DMXL2: variants seen among roughly 807,000 people sequenced by gnomAD.
The protein encoded by DMXL2 is dmX-like protein 2.
Under a neutral mutation model 331.1 loss-of-function variants are expected in DMXL2, and 103 were observed. That is an observed-to-expected ratio of 0.31 (90% CI 0.27 to 0.37). The LOEUF (loss-of-function observed/expected upper bound fraction) is 0.37. Ranked by LOEUF, DMXL2 falls within the 10% of genes least tolerant of loss-of-function variation. The probability of loss-of-function intolerance (pLI) is 1.00; values close to 1 mark genes in which losing one functional copy is unlikely to be tolerated. For synonymous variants in DMXL2, 1,281 were observed against 1,252.1 expected, an observed-to-expected ratio of 1.02 and a Z score of -0.49; for missense variants, 3,171 against 3,642.9, an observed-to-expected ratio of 0.87 and a Z score of 3.33.
chr15:51,515,588 T>C (rs1407980062), intron 14 of DMXL2, among the ~76,000 whole-genome samples: 4 of 152,178 alleles, frequency 2.6e-5, no homozygotes, highest in Non-Finnish European at 5.9e-5. Context: ...AAGGGTGATG[T>C]CTTCACAGAT....
intron 1 of DMXL2, among the ~76,000 whole-genome samples, chr15:51,587,887 T>A (rs1383361525): frequency 2.0e-5 from 3 of 152,204 alleles, no homozygotes; most frequent in Non-Finnish European, 2.9e-5. Flanking sequence ...GGTATCTCAT[T>A]GTGGTTTTGA....
chr15:51,513,030 G>A (rs2046847168), intron 15 of DMXL2, among the ~76,000 whole-genome samples: 1 of 151,886 alleles, frequency 6.6e-6, no homozygotes, highest in Admixed American at 6.6e-5. Context: ...GAGAAGAGGA[G>A]AAACCTACAC....
In DMXL2 at chr15:51,540,527, G is replaced by A. The variant is rs1006862264; in HGVS notation, c.1105+1806C>T. ...CAAAGACATATCTATACAGGCAGAG[G>A]AGGAGAACAAAAGAATAAATGACAA... On this transcript the variant is annotated intron_variant, in intron 9 of 43. Transcript: ENST00000560891. 2.0e-5 allele frequency among the ~76,000 whole-genome samples: 3 copies of A among 151,932 alleles called. No individual in the cohort carries two copies. In the East Asian group the frequency reaches 5.8e-4, roughly 29 times the overall value.
intron 5 of DMXL2, among the ~76,000 whole-genome samples, chr15:51,563,794 C>A (rs1271532471): frequency 1.3e-5 from 2 of 152,082 alleles, no homozygotes; most frequent in African/African-American, 4.8e-5. Flanking sequence ...AATAGTACAT[C>A]TTCCACTTGA....
At chr15:51,558,063 A>T (rs1022305998) in intron 6 of DMXL2, among the ~76,000 whole-genome samples, 4 of 152,230 alleles carry the variant, frequency 2.6e-5, no homozygotes, top group Admixed American at 2.0e-4. Flanking sequence ...AACTGCAAGC[A>T]TCTACATCTT....
Position 51,457,363 on chromosome 15 carries a change from G to A in DMXL2, c.8302C>T (p.Leu2768=), listed in dbSNP as rs747435445. The A allele has an allele frequency of 2.7e-5, 44 of 1,614,066 alleles. No homozygotes were observed. The East Asian group carries it at 9.1e-4, about 33-fold the overall frequency. Residue 2768 remains leucine (L), a synonymous_variant, in exon 37 of 44, where the codon CTG becomes TTG. Coordinates refer to ENST00000560891, the MANE Select transcript of DMXL2 (RefSeq NM_001378457.1). The part of the protein sequence containing the change: ...QVHPPSSLPW[L]GTGQTSTGAS... Reference sequence around the variant, plus strand: ...CCAGTGCTAGTCTGTCCAGTGCCCAGCCATGGCAGAGATGAAGGTGGATGC... The same window carrying A: ...CCAGTGCTAGTCTGTCCAGTGCCCAACCATGGCAGAGATGAAGGTGGATGC...
intron 16 of DMXL2, among the ~76,000 whole-genome samples, chr15:51,504,609 T>C (rs4144941): frequency 0.48 from 72,898 of 152,072 alleles, 17,845 homozygotes; most frequent in Non-Finnish European, 0.52. Flanking sequence ...ACCAGAATAT[T>C]CAATAAATAA....
At chr15:51,509,057 T>C (rs1486145646) in intron 15 of DMXL2, among the ~76,000 whole-genome samples, 1 of 152,096 alleles carries the variant, frequency 6.6e-6, no homozygotes, top group African/African-American at 2.4e-5. Flanking sequence ...ATGATACATA[T>C]GAAGTACATG....
intron 1 of DMXL2, among the ~76,000 whole-genome samples, chr15:51,587,037 A>G (rs1405759690): frequency 6.6e-6 from 1 of 152,116 alleles, no homozygotes; most frequent in African/African-American, 2.4e-5. Flanking sequence ...TGGCCAACAT[A>G]TACAAAAACC....
intron 13 of DMXL2, among the ~76,000 whole-genome samples, chr15:51,526,532 A>G (rs1596127379): frequency 6.6e-6 from 1 of 152,244 alleles, no homozygotes; most frequent in African/African-American, 2.4e-5. Flanking sequence ...TCAGGAAAAC[A>G]TGACCTCACC....
chr15:51,564,946 A>T lies in DMXL2; in HGVS notation c.364+142T>A, dbSNP rs2050178572. The T allele has an allele frequency of 7.8e-6, 4 of 512,112 alleles. No individual in the cohort carries two copies. In the East Asian group the frequency reaches 1.4e-4, roughly 18 times the overall value. The allele number at this position is 512,112 out of a possible 1,614,324, so 31.7% of individuals were successfully genotyped here. ...GCATTGCACAAAGCACTGTATACCAAGAAGGAAAAATTATATTCATCAACA... is the reference window on the plus strand; with the variant it reads ...GCATTGCACAAAGCACTGTATACCATGAAGGAAAAATTATATTCATCAACA... On this transcript the variant is annotated intron_variant, in intron 4 of 43. Transcript: ENST00000560891.
chr15:51,521,308 G>C (rs1276569690), intron 13 of DMXL2, among the ~76,000 whole-genome samples: 1 of 151,946 alleles, frequency 6.6e-6, no homozygotes, highest in Non-Finnish European at 1.5e-5. Context: ...AGTATGGATA[G>C]TAATATTACA....
At chr15:51,506,212 G>C (rs2046388090) in intron 16 of DMXL2, among the ~76,000 whole-genome samples, 1 of 151,816 alleles carries the variant, frequency 6.6e-6, no homozygotes, top group Non-Finnish European at 1.5e-5. Flanking sequence ...ATAGGTACAT[G>C]CCACCACACT....
chr15:51,517,238 T>G, intron 13 of DMXL2, 71 bp from the exon 14 acceptor site: 7 of 1,189,448 alleles, frequency 5.9e-6, no homozygotes, highest in Non-Finnish European at 8.7e-6. Flanking sequence ...TACAGCATCT[T>G]GGACATTTAA....
intron 1 of DMXL2, among the ~76,000 whole-genome samples, chr15:51,617,181 A>C (rs1884961730): frequency 6.6e-6 from 1 of 152,208 alleles, no homozygotes; most frequent in East Asian, 1.9e-4. Context: ...GATCCAAGTT[A>C]AGATAATCTG....
intron 16 of DMXL2, among the ~76,000 whole-genome samples, chr15:51,506,119 C>G (rs1187794056): frequency 6.6e-6 from 1 of 152,218 alleles, no homozygotes; most frequent in African/African-American, 2.4e-5. Context: ...GTCACTTAGG[C>G]TGGAGTGCGG....
intron 9 of DMXL2, among the ~76,000 whole-genome samples, chr15:51,541,729 T>C (rs2048608465): frequency 6.6e-6 from 1 of 152,306 alleles, no homozygotes; most frequent in African/African-American, 2.4e-5. Context: ...TTTATAGCCT[T>C]TCTCCTACAT....
At chr15:51,621,757 C>T (rs918029311) in intron 1 of DMXL2, among the ~76,000 whole-genome samples, 2 of 151,882 alleles carry the variant, frequency 1.3e-5, no homozygotes, top group South Asian at 2.1e-4. Context: ...AAAAAAAAGG[C>T]TACCTTACAG....
At chr15:51,502,676 T>C (rs2043756534) in intron 17 of DMXL2, 130 bp downstream of exon 17, 6 of 674,796 alleles carry the variant, frequency 8.9e-6, no homozygotes, top group South Asian at 7.7e-5. Flanking sequence ...ATATCATTAA[T>C]AGAAAATCAA....
Sources: gnomAD v4.1 joint callset for allele counts (sites outside exome capture counted in the v4.1 genomes callset) on GRCh38, gnomAD v4.1.1 for gene constraint, MANE v1.5 for transcripts, NCBI Gene and HGNC (gene_info 2026-07-23, HGNC 2026-07-21) for gene names.